GRXCR2: variants seen among roughly 807,000 people sequenced by gnomAD.
GRXCR2 encodes glutaredoxin and cysteine rich domain containing 2, also known as glutaredoxin domain-containing cysteine-rich protein 2.
In GRXCR2, 23 loss-of-function variants were observed where a neutral mutation model predicts 24.8. That is an observed-to-expected ratio of 0.93 (90% confidence interval 0.67 to 1.32). The LOEUF (loss-of-function observed/expected upper bound fraction) is 1.32, where lower values mean the gene tolerates loss of function less well. Among genes scored for constraint, GRXCR2 ranks in the 40% most tolerant of loss-of-function variants. The pLI is 0.00. For missense variants in GRXCR2, 315 were observed against 303.4 expected (o/e 1.04, Z -0.28); for synonymous variants, 130 against 116.1 (o/e 1.12, Z -0.77).
upstream of GRXCR2, among the ~76,000 whole-genome samples, chr5:145,875,158 A>G (rs1458049385): frequency 6.6e-6 from 1 of 152,242 alleles, no homozygotes; most frequent in Non-Finnish European, 1.5e-5. Flanking sequence ...TGCCCAGTAC[A>G]TAATAGAACT....
At chr5:145,923,263 C>T (rs1275342185) in intron 2 of GRXCR2, among the ~76,000 whole-genome samples, 1 of 152,138 alleles carries the variant, frequency 6.6e-6, no homozygotes, top group Non-Finnish European at 1.5e-5. Flanking sequence ...AGTGTCATAC[C>T]CTGATATTGG....
chr5:145,883,910 C>G (rs1343231706), intron 2 of GRXCR2, among the ~76,000 whole-genome samples: 1 of 152,126 alleles, frequency 6.6e-6, no homozygotes, highest in African/African-American at 2.4e-5. Flanking sequence ...AGTAAAATCC[C>G]TCATCACAAA....
intron 2 of GRXCR2, among the ~76,000 whole-genome samples, chr5:145,913,006 A>T (rs1004532643): frequency 6.6e-6 from 1 of 152,240 alleles, no homozygotes; most frequent in Non-Finnish European, 1.5e-5. Flanking sequence ...GAGTGCATAG[A>T]TTGTTAGCAT....
chr5:145,874,931 A>T (rs556312270), upstream of GRXCR2, among the ~76,000 whole-genome samples: 1 of 152,190 alleles, frequency 6.6e-6, no homozygotes, highest in African/African-American at 2.4e-5. Context: ...AGAGTGTCAA[A>T]TTTCCATTCC....
chr5:145,859,610 G>T lies in GRXCR2; in HGVS notation c.*123C>A. ...ATCAGATAATTGAGTTTTGCCAGCAGTGGGAGTGACTGCAGCCACTGTGGC... is the reference window on the plus strand; with the variant it reads ...ATCAGATAATTGAGTTTTGCCAGCATTGGGAGTGACTGCAGCCACTGTGGC... On this transcript the variant is annotated 3_prime_UTR_variant, in exon 3 of 3. Transcript: ENST00000377976. 1.2e-6 allele frequency: 1 copy of T among 815,630 alleles called. No individual in the cohort carries two copies. Among genetic ancestry groups the T allele is most frequent in the Non-Finnish European group, 2.0e-6 (1 of 492,962 alleles). 50.5% of individuals were successfully genotyped at this position (815,630 alleles called of 1,614,324 possible). A position where few individuals can be genotyped will look rare whatever the true frequency, so the allele number is the denominator to read the frequency against.
intron 2 of GRXCR2, among the ~76,000 whole-genome samples, chr5:145,925,890 C>T (rs1757387571): frequency 6.6e-6 from 1 of 151,916 alleles, no homozygotes; most frequent in Non-Finnish European, 1.5e-5. Flanking sequence ...AAGGCCTACT[C>T]ATAAAAAGAG....
chr5:145,860,046 T>C, intron 2 of GRXCR2, 131 bp from the exon 3 acceptor site: 4 of 687,862 alleles, frequency 5.8e-6, no homozygotes, highest in Non-Finnish European at 7.1e-6. Context: ...CGAATGTCAG[T>C]GAGAGAATCA....
intron 2 of GRXCR2, among the ~76,000 whole-genome samples, chr5:145,907,483 C>T (rs955020337): frequency 5.3e-5 from 8 of 151,676 alleles, no homozygotes; most frequent in Admixed American, 1.3e-4. Context: ...GAGCTGAGAT[C>T]GTGCCACTGC....
intron 2 of GRXCR2, among the ~76,000 whole-genome samples, chr5:145,862,553 G>T (rs1756356872): frequency 6.6e-6 from 1 of 152,038 alleles, no homozygotes; most frequent in Admixed American, 6.6e-5. Context: ...TATTTAGTAG[G>T]ATATAGAACA....
At chr5:145,903,874 G>A (rs75642795) in intron 2 of GRXCR2, among the ~76,000 whole-genome samples, 4,150 of 152,206 alleles carry the variant, frequency 0.027, 74 homozygotes, top group Non-Finnish European at 0.041. Context: ...AAATGTTCTG[G>A]GAAATTTCAC....
At chr5:145,884,737 A>T (rs1581340382) in intron 2 of GRXCR2, among the ~76,000 whole-genome samples, 3 of 152,172 alleles carry the variant, frequency 2.0e-5, no homozygotes, top group Non-Finnish European at 2.9e-5. Flanking sequence ...ATGCTCTTTT[A>T]AAAAATTTAC....
intron 2 of GRXCR2, among the ~76,000 whole-genome samples, chr5:145,910,440 C>T (rs2149925320): frequency 6.6e-6 from 1 of 152,220 alleles, no homozygotes; most frequent in South Asian, 2.1e-4. Flanking sequence ...AATTTCCCCA[C>T]TGTTCATAAA....
At chr5:145,864,445 A>G (rs1400725766) in intron 2 of GRXCR2, among the ~76,000 whole-genome samples, 1 of 152,054 alleles carries the variant, frequency 6.6e-6, no homozygotes, top group Non-Finnish European at 1.5e-5. Flanking sequence ...GGTGACTGAT[A>G]TGGTTTGGCT....
At chr5:145,884,242 C>G (rs897206033) in intron 2 of GRXCR2, among the ~76,000 whole-genome samples, 25 of 152,104 alleles carry the variant, frequency 1.6e-4, no homozygotes, top group African/African-American at 5.8e-4. Context: ...CCACACAAAA[C>G]CGCTCTGTGG....
At chr5:145,889,800 G>A (rs1756837479) in intron 2 of GRXCR2, among the ~76,000 whole-genome samples, 1 of 152,048 alleles carries the variant, frequency 6.6e-6, no homozygotes, top group Non-Finnish European at 1.5e-5. Flanking sequence ...TCCAAGACAA[G>A]GTTGAAAATC....
In GRXCR2 at chr5:145,859,778, G is replaced by C; in HGVS notation, c.702C>G (p.Ala234=). The C allele has an allele frequency of 6.2e-7, 1 of 1,614,190 alleles. No homozygotes were observed. ...KESYRALRCP[A]CNENGLQPCQ... ...AAGGCTGTAGGCCATTCTCATTGCA[G>C]GCAGGGCACCTCAGGGCCCGATAGG... The change falls in exon 3 of 3, where the codon GCC becomes GCG. Residue 234 remains alanine, a synonymous_variant. Coordinates refer to ENST00000377976, the MANE Select transcript of GRXCR2 (RefSeq NM_001080516.2).
intron 2 of GRXCR2, among the ~76,000 whole-genome samples, chr5:145,907,528 CA>C (rs113587429): frequency 1.3e-3 from 183 of 139,550 alleles, no homozygotes; most frequent in Middle Eastern, 7.3e-3. Flanking sequence ...GACTCCCTCT[CA>C]AAAAAAAAAA....
chr5:145,923,063 C>G (rs1757347799), intron 2 of GRXCR2, among the ~76,000 whole-genome samples: 1 of 152,230 alleles, frequency 6.6e-6, no homozygotes, highest in South Asian at 2.1e-4. Context: ...ATAAGCCCCA[C>G]TCAATCTCAA....
chr5:145,883,996 ATGG>A (rs1304283119), intron 2 of GRXCR2, among the ~76,000 whole-genome samples: 13 of 152,230 alleles, frequency 8.5e-5, no homozygotes, highest in African/African-American at 3.1e-4. Flanking sequence ...GACATCACTA[ATGG>A]TGGGACAAAC....
Sources: gnomAD v4.1 joint callset for allele counts (sites outside exome capture counted in the v4.1 genomes callset) on GRCh38, gnomAD v4.1.1 for gene constraint, MANE v1.5 for transcripts, NCBI Gene and HGNC (gene_info 2026-07-23, HGNC 2026-07-21) for gene names.